Variants in SNAPC4 observed in about 807,000 individuals in gnomAD.
SNAPC4 encodes the protein snRNA-activating protein complex subunit 4.
In SNAPC4, 127 loss-of-function variants were observed where a neutral mutation model predicts 151.3. The ratio of observed to expected loss-of-function variants is 0.84; its 90% CI spans 0.73 to 0.97. SNAPC4 has a LOEUF of 0.97. Among genes scored for constraint, SNAPC4 ranks in the 50% least tolerant of loss-of-function variants. The probability of loss-of-function intolerance (pLI) is 0.00; values close to 1 mark genes in which losing one functional copy is unlikely to be tolerated. For synonymous variants in SNAPC4, 1,002 were observed against 824.4 expected, an observed-to-expected ratio of 1.22 and a Z score of -3.69; for missense variants, 2,186 against 1,935.0, an observed-to-expected ratio of 1.13 and a Z score of -2.43.
chr9:136,379,346 C>G (rs766136152), intron 21 of SNAPC4, 47 bp from the exon 22 acceptor site: 1 of 1,606,782 alleles, frequency 6.2e-7, no homozygotes, highest in South Asian at 1.1e-5. Context: ...GGCATCTGGC[C>G]CAGGGACAGC....
chr9:136,377,117 G>C (rs965439814), intron 22 of SNAPC4, among the ~76,000 whole-genome samples: 4 of 151,782 alleles, frequency 2.6e-5, no homozygotes, highest in Non-Finnish European at 5.9e-5. Flanking sequence ...ACAGCAGAGA[G>C]GGACCTTTGG....
chr9:136,384,283 G>A (rs924911620), intron 14 of SNAPC4, among the ~76,000 whole-genome samples: 2 of 152,070 alleles, frequency 1.3e-5, no homozygotes, highest in African/African-American at 2.4e-5. Context: ...CGCACACCAC[G>A]GCCCTCACAT....
intron 17 of SNAPC4, 77 bp from the exon 18 acceptor site, chr9:136,382,150 T>G: frequency 6.4e-7 from 1 of 1,573,184 alleles, no homozygotes; most frequent in Non-Finnish European, 8.6e-7. Flanking sequence ...TGGCCAGTGC[T>G]GCCCTCCACC....
intron 9 of SNAPC4, 83 bp downstream of exon 9, chr9:136,392,439 C>G: frequency 7.3e-7 from 1 of 1,372,492 alleles, no homozygotes; most frequent in South Asian, 1.2e-5. Flanking sequence ...AGGGTGTGGC[C>G]TTACCACCCA....
chr9:136,394,240 T>C lies in SNAPC4; in HGVS notation c.632+9A>G, dbSNP rs11145863. 0.13 allele frequency: 213,479 copies of C among 1,608,032 alleles called. 15,403 individuals are homozygous for C. Among genetic ancestry groups the C allele is most frequent in the Admixed American group, 0.24 (14,140 of 59,992 alleles). The stretch of plus-strand genomic sequence containing the variant: ...GAAGACCGTTTTTGACTTATGGTTT[T>C]AGACTTACTTCAGTAACTTGGGCTG... On this transcript the variant is annotated intron_variant, in intron 7 of 23. Coordinates refer to ENST00000684778, the MANE Select transcript of SNAPC4 (RefSeq NM_003086.4).
chr9:136,388,393 G>A, intron 11 of SNAPC4, 51 bp downstream of exon 11: 1 of 1,589,392 alleles, frequency 6.3e-7, no homozygotes, highest in Non-Finnish European at 8.6e-7. Context: ...CCAGTGTCCT[G>A]ATATGGGGCC....
At position 136,391,894 on chromosome 9, in the gene SNAPC4, A is replaced by G. The variant is rs1339658126; in HGVS notation, c.975+48T>C. The G allele has an allele frequency of 1.9e-6, 3 of 1,573,302 alleles. No homozygotes were observed. In the East Asian group the frequency reaches 6.7e-5, roughly 35 times the overall value. Reference sequence around the variant, plus strand: ...CCAGCAGCCTCCCGCTATAGGGCCCACACGCCCTCAGGTCTCCTGGCCCCT... The same window carrying G: ...CCAGCAGCCTCCCGCTATAGGGCCCGCACGCCCTCAGGTCTCCTGGCCCCT... On this transcript the variant is annotated intron_variant, in intron 10 of 23. Transcript: ENST00000684778.
chr9:136,389,918 T>C (rs1390014920), intron 10 of SNAPC4, among the ~76,000 whole-genome samples: 1 of 152,104 alleles, frequency 6.6e-6, no homozygotes, highest in African/African-American at 2.4e-5. Context: ...AGAAAGAATC[T>C]GGCGGGGGAA....
At chr9:136,390,555 A>G (rs1367020766) in intron 10 of SNAPC4, among the ~76,000 whole-genome samples, 175 of 12,728 alleles carry the variant, frequency 0.014, no homozygotes, top group African/African-American at 0.077. Context: ...ACTCTGTTTG[A>G]AAAAAAAAAA....
At chr9:136,382,172 A>G in intron 17 of SNAPC4, 81 bp downstream of exon 17, 1 of 1,587,968 alleles carries the variant, frequency 6.3e-7, no homozygotes, top group South Asian at 1.1e-5. Context: ...CCATCAGGGC[A>G]TGATCGACGG....
In SNAPC4 at chr9:136,381,838, A is replaced by G; in HGVS notation, c.2303T>C (p.Val768Ala). 2 of 1,608,812 alleles carry G rather than the reference A, an allele frequency of 1.2e-6. No individual in the cohort carries two copies. The highest frequency in any genetic ancestry group is 1.3e-5 in the African/African-American group (1 of 75,026). Residue 768 changes from valine (V) to alanine (A), a missense_variant, in exon 18 of 24, where the codon GTA (valine) becomes GCA (alanine). By Grantham distance (64) the Val-to-Ala change is moderately conservative (BLOSUM62 0). Coordinates refer to ENST00000684778, the MANE Select transcript of SNAPC4 (RefSeq NM_003086.4). ...PCTQASQRPA[V>A]VQTQADGLRE... is the part of the protein sequence containing the mutation. ...CCAGGCCATACCTTGAGTCTGCACT[A>G]CGGCGGGTCTCTGGGAAGCCTGTGT...
intron 21 of SNAPC4, 131 bp downstream of exon 21, chr9:136,379,706 G>A (rs1833617781): frequency 3.5e-6 from 3 of 860,582 alleles, no homozygotes; most frequent in Non-Finnish European, 3.8e-6. Context: ...GGACTCGAGG[G>A]AGCTCTGTCA....
intron 14 of SNAPC4, among the ~76,000 whole-genome samples, chr9:136,384,503 G>A (rs773428191): frequency 5.3e-5 from 8 of 152,144 alleles, no homozygotes; most frequent in Non-Finnish European, 7.4e-5. Flanking sequence ...CACTCAGCTC[G>A]TCGGGTGTGG....
intron 11 of SNAPC4, 118 bp from the exon 12 acceptor site, chr9:136,387,966 C>A: frequency 4.4e-6 from 3 of 679,510 alleles, no homozygotes; most frequent in Non-Finnish European, 8.0e-6. Flanking sequence ...AGATGGGTCA[C>A]ATAGAAAAGA....
intron 21 of SNAPC4, 82 bp downstream of exon 21, chr9:136,379,755 G>C: frequency 7.5e-7 from 1 of 1,336,850 alleles, no homozygotes; most frequent in Admixed American, 1.8e-5. Context: ...GGCTGTGGGT[G>C]AAAGCCAGGG....
chr9:136,386,609 T>C (rs940025259), intron 13 of SNAPC4, among the ~76,000 whole-genome samples: 1 of 150,316 alleles, frequency 6.7e-6, no homozygotes, highest in Non-Finnish European at 1.5e-5. Context: ...TAATTTTGTA[T>C]TTTTAGTAGA....
In SNAPC4 at chr9:136,387,492, G is replaced by A. The variant is rs763723973; in HGVS notation, c.1318C>T (p.Arg440Ter). 29 of 1,610,286 alleles carry A rather than the reference G, an allele frequency of 1.8e-5. No homozygotes were observed. Among genetic ancestry groups the A allele is most frequent in the Non-Finnish European group, 2.4e-5 (28 of 1,176,786 alleles). ...CAGCGCTGTGCGACTCACCGATCTCGGCACTGGGCATCGCTCCTACCTGGC... is the reference window on the plus strand; with the variant it reads ...CAGCGCTGTGCGACTCACCGATCTCAGCACTGGGCATCGCTCCTACCTGGC... The part of the protein sequence containing the change: ...EVPGRSDAQC[R>*]DRYLRRLHFS... The change falls in exon 13 of 24, where the codon CGA becomes TGA. Residue 440 changes from arginine (R) to a stop codon, truncating the protein, a stop_gained. Coordinates refer to ENST00000684778, the MANE Select transcript of SNAPC4 (RefSeq NM_003086.4). LOFTEE classifies it high-confidence loss of function.
intron 7 of SNAPC4, among the ~76,000 whole-genome samples, chr9:136,393,489 C>T (rs573164885): frequency 3.3e-5 from 5 of 152,358 alleles, no homozygotes; most frequent in Admixed American, 1.3e-4. Context: ...AGGACAGCAG[C>T]GCCTTCTATC....
At chr9:136,391,846 A>C in intron 10 of SNAPC4, 96 bp downstream of exon 10, 1 of 1,330,102 alleles carries the variant, frequency 7.5e-7, no homozygotes, top group South Asian at 1.4e-5. Context: ...GCGGTGAGTG[A>C]GCACTGGGGA....
Sources: gnomAD v4.1 joint callset for allele counts (sites outside exome capture counted in the v4.1 genomes callset) on GRCh38, gnomAD v4.1.1 for gene constraint, MANE v1.5 for transcripts, NCBI Gene and HGNC (gene_info 2026-07-23, HGNC 2026-07-21) for gene names.